Variants in KCNU1 observed in about 807,000 individuals in gnomAD.
KCNU1 encodes the protein potassium channel subfamily U member 1.
In KCNU1, 93 loss-of-function variants were observed where a neutral mutation model predicts 126.8. The observed-to-expected ratio is 0.73, with a 90% CI of 0.62 to 0.87. The LOEUF is 0.87. Ranked by LOEUF, KCNU1 falls within the 40% of genes least tolerant of loss-of-function variation. The pLI, the probability that KCNU1 is intolerant of heterozygous loss-of-function variation, is 0.00. For synonymous variants in KCNU1, 523 were observed against 494.2 expected (o/e 1.06, Z -0.77); for missense variants, 1,330 against 1,367.1 (o/e 0.97, Z 0.43).
At chr8:36,787,028 C>T (rs1217535786) in intron 1 of KCNU1, among the ~76,000 whole-genome samples, 1 of 152,094 alleles carries the variant, frequency 6.6e-6, no homozygotes, top group African/African-American at 2.4e-5. Context: ...GCAATGATGG[C>T]AGTTTGAAGG....
At chr8:36,930,873 A>T (rs17400313) in intron 24 of KCNU1, 78 bp from the exon 25 acceptor site, 16,592 of 980,944 alleles carry the variant, frequency 0.017, 181 homozygotes, top group Non-Finnish European at 0.02. Context: ...ATGCCCACTA[A>T]ATCTCCAAGC....
intron 2 of KCNU1, among the ~76,000 whole-genome samples, chr8:36,793,807 G>A (rs969164481): frequency 1.3e-5 from 2 of 152,070 alleles, no homozygotes; most frequent in African/African-American, 4.8e-5. Context: ...TGTAATCCCA[G>A]CACTTTGGGA....
intron 13 of KCNU1, 128 bp from the exon 14 acceptor site, chr8:36,836,665 C>T (rs1177951923): frequency 1.2e-6 from 1 of 843,930 alleles, no homozygotes; most frequent in Non-Finnish European, 1.8e-6. Flanking sequence ...CTGGGCACCA[C>T]TTTTGTGTGC....
At chr8:36,785,157 A>C (rs1802669915) in intron 1 of KCNU1, among the ~76,000 whole-genome samples, 2 of 152,218 alleles carry the variant, frequency 1.3e-5, no homozygotes, top group Admixed American at 1.3e-4. Context: ...TCTTATACCC[A>C]AACAAGCTTA....
chr8:36,932,739 A>AGAGTTTC, intron 25 of KCNU1, among the ~76,000 whole-genome samples, 181 bp from the exon 26 acceptor site: 1 of 152,262 alleles, frequency 6.6e-6, no homozygotes, highest in East Asian at 1.9e-4. Context: ...CACTGGGATT[A>AGAGTTTC]GAGTTTCAGA....
At chr8:36,868,924 G>A (rs1176935883) in intron 19 of KCNU1, among the ~76,000 whole-genome samples, 1 of 151,992 alleles carries the variant, frequency 6.6e-6, no homozygotes, top group African/African-American at 2.4e-5. Flanking sequence ...TTCATTTCTG[G>A]AGCTCCCTGG....
chr8:36,839,087 T>C (rs1432332216), intron 14 of KCNU1, among the ~76,000 whole-genome samples: 2 of 152,222 alleles, frequency 1.3e-5, no homozygotes, highest in Non-Finnish European at 2.9e-5. Flanking sequence ...AGTATTGAGT[T>C]AATATTTGTA....
At chr8:36,893,006 G>A (rs1316566845) in intron 19 of KCNU1, among the ~76,000 whole-genome samples, 4 of 152,096 alleles carry the variant, frequency 2.6e-5, no homozygotes, top group African/African-American at 9.7e-5. Flanking sequence ...TTGTCACCCA[G>A]GACAGCATGC....
intron 24 of KCNU1, among the ~76,000 whole-genome samples, chr8:36,930,246 A>G (rs1808658935): frequency 6.6e-6 from 1 of 152,150 alleles, no homozygotes; most frequent in African/African-American, 2.4e-5. Context: ...ATGTGGTAGC[A>G]ATCCTGGAGA....
At chr8:36,869,210 T>C (rs900398011) in intron 19 of KCNU1, among the ~76,000 whole-genome samples, 3 of 152,160 alleles carry the variant, frequency 2.0e-5, no homozygotes, top group Non-Finnish European at 2.9e-5. Context: ...TAGTGAAAGA[T>C]ATTTAATCGG....
intron 10 of KCNU1, among the ~76,000 whole-genome samples, chr8:36,831,118 A>G (rs931360700): frequency 5.3e-5 from 8 of 151,894 alleles, no homozygotes; most frequent in Non-Finnish European, 1.0e-4. Flanking sequence ...ATGGTATTCC[A>G]TGGTGTATAT....
At chr8:36,832,972 T>A (rs1380388464) in intron 10 of KCNU1, among the ~76,000 whole-genome samples, 1 of 152,162 alleles carries the variant, frequency 6.6e-6, no homozygotes, top group Non-Finnish European at 1.5e-5. Flanking sequence ...TATTTTTATT[T>A]GTGTTTTGGT....
intron 16 of KCNU1, among the ~76,000 whole-genome samples, chr8:36,844,846 T>C (rs1391507895): frequency 6.6e-6 from 1 of 152,144 alleles, no homozygotes; most frequent in Non-Finnish European, 1.5e-5. Flanking sequence ...CATAGACATC[T>C]GAATTGAAGG....
intron 24 of KCNU1, among the ~76,000 whole-genome samples, chr8:36,926,444 G>C (rs1563340729): frequency 2.0e-5 from 3 of 151,910 alleles, no homozygotes; most frequent in Admixed American, 2.0e-4. Flanking sequence ...CCCTCCATCA[G>C]AGCAATTCCA....
Position 36,935,900 on chromosome 8 carries a change from G to A in KCNU1, c.3430G>A (p.Ala1144Thr). The A allele has an allele frequency of 6.3e-7, 1 of 1,598,240 alleles. No homozygotes were observed. The highest frequency in any genetic ancestry group is 8.5e-7 in the Non-Finnish European group (1 of 1,172,528). ...TGAGGTTTATGATGAGGATCCCTTT[G>A]CATATTCAGAGCCACTATAGACCTG... ...SDEVYDEDPF[A>T]YSEPL The change falls in exon 27 of 27, where the codon GCA becomes ACA. Residue 1144 changes from alanine (A) to threonine (T), a missense_variant. Coordinates refer to ENST00000399881, the MANE Select transcript of KCNU1 (RefSeq NM_001031836.3).
intron 10 of KCNU1, among the ~76,000 whole-genome samples, chr8:36,818,864 C>T (rs921070285): frequency 3.9e-5 from 6 of 152,136 alleles, no homozygotes; most frequent in African/African-American, 9.7e-5. Context: ...CCAAGAATTC[C>T]GTTTAAGTAG....
intron 18 of KCNU1, among the ~76,000 whole-genome samples, chr8:36,853,049 A>G (rs1805407843): frequency 1.3e-5 from 2 of 152,178 alleles, no homozygotes; most frequent in Admixed American, 1.3e-4. Flanking sequence ...TTTCTTTAAA[A>G]AAGGAAAAAA....
intron 23 of KCNU1, among the ~76,000 whole-genome samples, chr8:36,919,855 GCAAA>G (rs762388286): frequency 7.2e-5 from 11 of 152,196 alleles, no homozygotes; most frequent in Non-Finnish European, 1.5e-4. Flanking sequence ...TCTTAGTCCT[GCAAA>G]CAAAGCAGGG....
Position 36,817,705 on chromosome 8 carries a change from A to C in KCNU1, c.1051A>C (p.Asn351His), listed in dbSNP as rs1278010731. 22 of 1,610,538 alleles carry C rather than the reference A, an allele frequency of 1.4e-5. No individual in the cohort carries two copies. The highest frequency in any genetic ancestry group is 1.9e-5 in the Non-Finnish European group (22 of 1,178,274). The change falls in exon 10 of 27, where the codon AAT becomes CAT. Residue 351 changes from asparagine (N) to histidine (H), a missense_variant. By Grantham distance (68) the Asn-to-His change is moderately conservative. Coordinates refer to ENST00000399881, the MANE Select transcript of KCNU1 (RefSeq NM_001031836.3). ...TVDSVTAFLR[N>H]FLRDKSGEIN... ...GGACAGTGTGACCGCTTTCCTGAGGAATTTCCTCCGCGACAAGTCAGGAGA... is the reference window on the plus strand; with the variant it reads ...GGACAGTGTGACCGCTTTCCTGAGGCATTTCCTCCGCGACAAGTCAGGAGA...
Sources: gnomAD v4.1 joint callset for allele counts (sites outside exome capture counted in the v4.1 genomes callset) on GRCh38, gnomAD v4.1.1 for gene constraint, MANE v1.5 for transcripts, NCBI Gene and HGNC (gene_info 2026-07-23, HGNC 2026-07-21) for gene names.